The following PACS2 variants were observed in gnomAD, a reference collection of about 807,000 sequenced individuals.
The protein encoded by PACS2 is phosphofurin acidic cluster sorting protein 2, also known as PACS1-like protein.
PACS2 carries 36 observed loss-of-function variants against 113.0 expected under a neutral mutation model. The ratio of observed to expected loss-of-function variants is 0.32; its 90% CI spans 0.24 to 0.42. PACS2 has a LOEUF of 0.42. Among genes scored for constraint, PACS2 ranks in the 10% least tolerant of loss-of-function variants. PACS2 has a pLI of 1.00. For synonymous variants in PACS2, 589 were observed against 536.1 expected, an observed-to-expected ratio of 1.10 and a Z score of -1.36; for missense variants, 1,015 against 1,239.5, an observed-to-expected ratio of 0.82 and a Z score of 2.72.
upstream of PACS2, chr14:105,314,459 G>GGGGCGGGGCGGGGCGCCCC (rs2058461158): frequency 1.4e-5 from 2 of 145,430 alleles, no homozygotes; most frequent in Non-Finnish European, 1.5e-5. Context: ...CGGCTCCCGG[G>GGGGCGGGGCGGGGCGCCCC]GGGCGGGGCG....
rs587646501 is a variant in PACS2 at position 105,324,920 on chromosome 14, A to G, written c.119+9883A>G. On this transcript the variant is annotated intron_variant, in intron 1 of 24. Transcript: ENST00000447393. This position sits in a 1 kb window ranked among gnomAD's most constrained non-coding sequence, Gnocchi z 4.7. ...CAAAAGGGGCAGAAATGGGCAAGGG[A>G]AGACACTGGGGAAGGGGTGGGTCTG... Among the ~76,000 whole-genome samples the G allele has an allele frequency of 6.6e-6, 1 of 152,044 alleles. No homozygotes were observed. Among genetic ancestry groups the G allele is most frequent in the South Asian group, 2.1e-4 (1 of 4,814 alleles).
rs1358630664 is a variant in PACS2 at position 105,357,838 on chromosome 14, G to C, written c.423+2661G>C. On this transcript the variant is annotated intron_variant, in intron 4 of 24. Coordinates refer to ENST00000447393, the MANE Select transcript of PACS2 (RefSeq NM_001100913.3). This position sits in a 1 kb window ranked among gnomAD's most constrained non-coding sequence, Gnocchi z 5.1. ...GGGACTGTCGTGAGAGTGGGGTGTC[G>C]GTGAGGCTGGCGCCATGCATTTGAG... 5.3e-5 allele frequency among the ~76,000 whole-genome samples: 8 copies of C among 152,178 alleles called. No homozygotes were observed. The highest frequency in any genetic ancestry group is 5.2e-4 in the Admixed American group (8 of 15,278).
chr14:105,332,425 G>A (rs1293461021), intron 1 of PACS2, among the ~76,000 whole-genome samples: 1 of 152,210 alleles, frequency 6.6e-6, no homozygotes, highest in East Asian at 1.9e-4. Context: ...TGGCCCCCTC[G>A]GCTGTGTTCA....
At chr14:105,310,064 A>T (rs587647421), upstream of PACS2, among the ~76,000 whole-genome samples, 2 of 151,488 alleles carry the variant, frequency 1.3e-5, no homozygotes, top group Non-Finnish European at 2.9e-5. Flanking sequence ...GATTACAGGT[A>T]TGAGCCACCG....
At chr14:105,345,686 C>T (rs1323351634) in intron 1 of PACS2, among the ~76,000 whole-genome samples, 1 of 152,198 alleles carries the variant, frequency 6.6e-6, no homozygotes, top group African/African-American at 2.4e-5. Flanking sequence ...CCATTTTGGT[C>T]AGAGAACGTA....
Position 105,354,911 on chromosome 14 carries a change from C to T in PACS2, c.298-141C>T, listed in dbSNP as rs1342187645. The T allele has an allele frequency of 9.8e-6, 7 of 714,468 alleles. No homozygotes were observed. Among genetic ancestry groups the T allele is most frequent in the African/African-American group, 7.2e-5 (4 of 55,806 alleles). 44.3% of individuals were successfully genotyped at this position (714,468 alleles called of 1,614,324 possible). A position where few individuals can be genotyped will look rare whatever the true frequency, so the allele number is the denominator to read the frequency against. ...CATGCCACTGGGATGAACTTGGGGGCCCGTCTGTGGGTGCCCTTCCGATCT... is the reference window on the plus strand; with the variant it reads ...CATGCCACTGGGATGAACTTGGGGGTCCGTCTGTGGGTGCCCTTCCGATCT... On this transcript the variant is annotated intron_variant, in intron 3 of 24. Coordinates refer to ENST00000447393, the MANE Select transcript of PACS2 (RefSeq NM_001100913.3). This position sits in a 1 kb window ranked among gnomAD's most constrained non-coding sequence, Gnocchi z 4.2.
At chr14:105,393,158 C>T in intron 23 of PACS2, 64 bp from the exon 24 acceptor site, 1 of 1,294,380 alleles carries the variant, frequency 7.7e-7, no homozygotes, top group East Asian at 2.3e-5. Context: ...ACACGTACCC[C>T]TGGCCCTGGC....
intron 1 of PACS2, among the ~76,000 whole-genome samples, chr14:105,328,205 A>T (rs2140891871): frequency 6.6e-6 from 1 of 152,342 alleles, no homozygotes; most frequent in Non-Finnish European, 1.5e-5. Flanking sequence ...CTTAAAGGAC[A>T]CATGGCTTAT....
In PACS2 at chr14:105,315,295, A is replaced by G. The variant is rs1326945234; in HGVS notation, c.119+258A>G. 1 of 156,896 alleles carries G rather than the reference A, an allele frequency of 6.4e-6. No individual in the cohort carries two copies. Among genetic ancestry groups the G allele is most frequent in the Non-Finnish European group, 1.4e-5 (1 of 71,628 alleles). 9.7% of individuals were successfully genotyped at this position (156,896 alleles called of 1,614,324 possible). A position where few individuals can be genotyped will look rare whatever the true frequency, so the allele number is the denominator to read the frequency against. Reference sequence around the variant, plus strand: ...CCCGGTGCTGCTCAGACCCGGCGGGACCTTGGGGCTCCCGGGCGGCGCTCA... The same window carrying G: ...CCCGGTGCTGCTCAGACCCGGCGGGGCCTTGGGGCTCCCGGGCGGCGCTCA... On this transcript the variant is annotated intron_variant, in intron 1 of 24. Transcript: ENST00000447393. This position sits in a 1 kb window ranked among gnomAD's most constrained non-coding sequence, Gnocchi z 4.4.
upstream of PACS2, chr14:105,314,345 G>C (rs1244787691): frequency 6.6e-6 from 1 of 152,046 alleles, no homozygotes; most frequent in Non-Finnish European, 1.5e-5. Flanking sequence ...TCCGCGCGTG[G>C]GGAGGTGGGC....
intron 3 of PACS2, among the ~76,000 whole-genome samples, chr14:105,353,830 G>C (rs2060327719): frequency 6.6e-6 from 1 of 152,160 alleles, no homozygotes; most frequent in Admixed American, 6.5e-5. Context: ...CTGACTGCAT[G>C]ATCTGCCTGC....
chr14:105,302,362 CCTGG>C (rs998704125), intron 1 of PACS2, among the ~76,000 whole-genome samples: 1 of 151,604 alleles, frequency 6.6e-6, no homozygotes, highest in African/African-American at 2.4e-5. Context: ...CACCACCACA[CCTGG>C]CTAATTTTGT....
At chr14:105,391,990 T>C (rs2081374875) in intron 22 of PACS2, 4 of 555,164 alleles carry the variant, frequency 7.2e-6, no homozygotes, top group Non-Finnish European at 1.3e-5. Flanking sequence ...TCCTGCACAG[T>C]GAATAAACAT....
intron 20 of PACS2, 87 bp from the exon 21 acceptor site, chr14:105,391,120 A>G: frequency 2.0e-6 from 2 of 991,492 alleles, no homozygotes; most frequent in Admixed American, 1.7e-5. Context: ...AGTGGTGGCC[A>G]CGGTGGGGAG....
intron 24 of PACS2, chr14:105,394,105 T>C (rs1340953627): frequency 1.8e-6 from 1 of 556,036 alleles, no homozygotes; most frequent in Non-Finnish European, 2.3e-6. Flanking sequence ...GAAACGGAGC[T>C]CTGGGAGGCT....
At chr14:105,362,978 AG>A in intron 4 of PACS2, among the ~76,000 whole-genome samples, 1 of 152,342 alleles carries the variant, frequency 6.6e-6, no homozygotes. Context: ...TTGGGTGACC[AG>A]GTCATGTCAA....
intron 1 of PACS2, among the ~76,000 whole-genome samples, chr14:105,303,331 C>T (rs1222683930): frequency 6.6e-6 from 1 of 152,200 alleles, no homozygotes. Context: ...GTAACCTCCA[C>T]CTCCCGGGTT....
chr14:105,384,280 C>A (rs1555412934), intron 16 of PACS2, 73 bp from the exon 17 acceptor site: 4 of 897,126 alleles, frequency 4.5e-6, no homozygotes, highest in Non-Finnish European at 7.1e-6. Flanking sequence ...GGTGGCCCAG[C>A]TTTTGTGCCG....
chr14:105,389,658 C>A (rs895358820), intron 19 of PACS2: 2 of 434,470 alleles, frequency 4.6e-6, no homozygotes, highest in Admixed American at 6.9e-5. Context: ...AGAGTGAATC[C>A]CTCCGTGGAG....
Sources: gnomAD v4.1 joint callset for allele counts (sites outside exome capture counted in the v4.1 genomes callset) on GRCh38, gnomAD v4.1.1 for gene constraint, Gnocchi (gnomAD v3.1) non-coding constraint, MANE v1.5 for transcripts, NCBI Gene and HGNC (gene_info 2026-07-23, HGNC 2026-07-21) for gene names.